RBFOX1: variants seen among roughly 807,000 people sequenced by gnomAD.
RBFOX1 encodes RNA binding fox-1 homolog 1.
Under a neutral mutation model 57.7 loss-of-function variants are expected in RBFOX1, and 8 were observed. The observed-to-expected ratio is 0.14, with a 90% CI of 0.08 to 0.25. The LOEUF is 0.25. RBFOX1 is among the 10% of genes least tolerant of loss of function. RBFOX1 has a pLI of 1.00. For synonymous variants in RBFOX1, 326 were observed against 222.4 expected, an observed-to-expected ratio of 1.47 and a Z score of -4.15; for missense variants, 611 against 548.5, an observed-to-expected ratio of 1.11 and a Z score of -1.14.
chr16:5,603,708 T>A (rs1277717457), downstream of RBFOX1, among the ~76,000 whole-genome samples: 1 of 152,154 alleles, frequency 6.6e-6, no homozygotes, highest in African/African-American at 2.4e-5. Context: ...GGTGGCATGG[T>A]GGATGAATGA....
At chr16:6,861,914 C>T (rs953441698) in intron 3 of RBFOX1, among the ~76,000 whole-genome samples, 1 of 139,656 alleles carries the variant, frequency 7.2e-6, no homozygotes, top group Non-Finnish European at 1.5e-5. Context: ...CAAGAGCTCT[C>T]TCTGGCACTG....
At chr16:5,859,803 G>C (rs148473936) in intron 3 of RBFOX1, among the ~76,000 whole-genome samples, 294 of 152,320 alleles carry the variant, frequency 1.9e-3, no homozygotes, top group African/African-American at 7.0e-3. Context: ...TCATGTAACA[G>C]AATATCCCTA....
chr16:6,607,586 C>CCTCCTCTCTCT (rs2097957508), intron 2 of RBFOX1, among the ~76,000 whole-genome samples: 1 of 149,488 alleles, frequency 6.7e-6, no homozygotes, highest in Non-Finnish European at 1.5e-5. Flanking sequence ...GTCCTGTCTC[C>CCTCCTCTCTCT]CTCCTCTCTC....
intron 4 of RBFOX1, among the ~76,000 whole-genome samples, chr16:7,420,985 G>A (rs1008550906): frequency 2.0e-5 from 3 of 148,550 alleles, no homozygotes; most frequent in African/African-American, 7.6e-5. Flanking sequence ...GTAGTCCTGC[G>A]CTTTCCTGAG....
chr16:7,370,891 A>G (rs1034671063), intron 4 of RBFOX1, among the ~76,000 whole-genome samples: 3 of 152,240 alleles, frequency 2.0e-5, no homozygotes, highest in African/African-American at 4.8e-5. Flanking sequence ...CTTGAGGTCA[A>G]AAAGAAATGG....
intron 14 of RBFOX1, among the ~76,000 whole-genome samples, chr16:7,683,629 C>T (rs1403071564): frequency 6.6e-6 from 1 of 152,036 alleles, no homozygotes; most frequent in East Asian, 1.9e-4. Context: ...CTCCTTTGGT[C>T]ATGTCATGGC....
At chr16:5,796,993 A>G (rs1393938810) in intron 3 of RBFOX1, among the ~76,000 whole-genome samples, 1 of 152,208 alleles carries the variant, frequency 6.6e-6, no homozygotes, top group Non-Finnish European at 1.5e-5. Flanking sequence ...GGAGAACTAC[A>G]GAAAATTACA....
intron 4 of RBFOX1, among the ~76,000 whole-genome samples, chr16:7,489,056 G>A (rs1391397985): frequency 6.6e-6 from 1 of 152,048 alleles, no homozygotes; most frequent in East Asian, 1.9e-4. Flanking sequence ...ATCTTGCTGT[G>A]AATCTCAGCG....
intron 4 of RBFOX1, among the ~76,000 whole-genome samples, chr16:7,252,963 C>A (rs796372065): frequency 5.3e-5 from 8 of 152,256 alleles, no homozygotes; most frequent in African/African-American, 1.9e-4. Context: ...TGTAAATAAG[C>A]ATGCACATAT....
intron 5 of RBFOX1, among the ~76,000 whole-genome samples, chr16:7,532,080 A>G (rs1329049902): frequency 1.3e-5 from 2 of 151,752 alleles, no homozygotes; most frequent in Non-Finnish European, 2.9e-5. Flanking sequence ...TTGTTACACT[A>G]TAATTTAAAT....
At chr16:7,536,738 T>C (rs1055025627) in intron 5 of RBFOX1, among the ~76,000 whole-genome samples, 1 of 152,196 alleles carries the variant, frequency 6.6e-6, no homozygotes, top group Non-Finnish European at 1.5e-5. Flanking sequence ...TTGTCGATTG[T>C]ATATGTCTCT....
chr16:5,850,466 G>T lies in RBFOX1; in HGVS notation c.319-16837G>T, dbSNP rs1216144464. 1.3e-5 allele frequency among the ~76,000 whole-genome samples: 2 copies of T among 152,188 alleles called. 1 individual carries two copies. The highest frequency in any genetic ancestry group is 4.1e-4 in the South Asian group (2 of 4,828). On this transcript the variant is annotated intron_variant, in intron 3 of 19. Transcript: ENST00000641259. The stretch of plus-strand genomic sequence containing the variant: ...ACTAGTATCCTGTGTGTCATGAACT[G>T]TGCTAGGTTCTCTAACAAAGTAGCA...
intron 1 of RBFOX1, among the ~76,000 whole-genome samples, chr16:6,278,446 C>T (rs1298790143): frequency 2.9e-5 from 4 of 136,136 alleles, no homozygotes; most frequent in South Asian, 2.4e-4. Flanking sequence ...ATTACCTAAT[C>T]GCATGAAGCA....
At chr16:5,772,212 G>T (rs1316456187) in intron 3 of RBFOX1, among the ~76,000 whole-genome samples, 1 of 152,140 alleles carries the variant, frequency 6.6e-6, no homozygotes, top group African/African-American at 2.4e-5. Context: ...AATAACAATA[G>T]TGAATTTATG....
chr16:7,420,453 G>A (rs1307584835), intron 4 of RBFOX1, among the ~76,000 whole-genome samples: 2 of 152,284 alleles, frequency 1.3e-5, no homozygotes, highest in South Asian at 2.1e-4. Context: ...GAAGGACTCC[G>A]GCTGGAATAA....
rs1567632474 is a variant in RBFOX1 at position 5,856,599 on chromosome 16, ATATAT to A, written c.319-10703_319-10699del. Among the ~76,000 whole-genome samples the A allele has an allele frequency of 6.2e-4, 65 of 104,504 alleles. 11 individuals are homozygous for A. Among genetic ancestry groups the A allele is most frequent in the East Asian group, 4.3e-3 (15 of 3,484 alleles). The allele number at this position is 104,504 out of a possible 152,430, so 68.6% of individuals were successfully genotyped here. On this transcript the variant is annotated intron_variant, in intron 3 of 19. Coordinates refer to the RBFOX1 transcript ENST00000641259. ...TGTATATATATATATATATATATATATATATAATCTTAGCCAGATCTTCTGGATAA... is the reference window on the plus strand; with the variant it reads ...TGTATATATATATATATATATATATAAATCTTAGCCAGATCTTCTGGATAA...
intron 2 of RBFOX1, among the ~76,000 whole-genome samples, chr16:6,580,131 G>A (rs1163177195): frequency 6.6e-6 from 1 of 151,906 alleles, no homozygotes; most frequent in African/African-American, 2.4e-5. Flanking sequence ...GCTAACTTTT[G>A]TGTTTTTAGA....
At chr16:6,871,058 G>A (rs2060779560) in intron 3 of RBFOX1, among the ~76,000 whole-genome samples, 2 of 152,204 alleles carry the variant, frequency 1.3e-5, no homozygotes, top group African/African-American at 4.8e-5. Context: ...TATAAAGTAG[G>A]CAGAGTCTTA....
At chr16:6,797,854 T>A (rs1226553326) in intron 3 of RBFOX1, among the ~76,000 whole-genome samples, 2 of 152,196 alleles carry the variant, frequency 1.3e-5, no homozygotes, top group Non-Finnish European at 2.9e-5. Flanking sequence ...CGACTTGAGT[T>A]GCTATCCCAT....
Sources: allele counts gnomAD v4.1 joint callset (sites outside exome capture counted in the v4.1 genomes callset), GRCh38; gene constraint gnomAD v4.1.1; transcripts MANE v1.5; gene names NCBI Gene and HGNC (gene_info 2026-07-23, HGNC 2026-07-21).